Variants in SPEG observed in about 807,000 individuals in gnomAD.
SPEG encodes the protein striated muscle enriched protein kinase, also known as striated muscle preferentially expressed protein kinase.
SPEG carries 114 observed loss-of-function variants against 300.4 expected under a neutral mutation model. The observed-to-expected ratio is 0.38, with a 90% CI of 0.33 to 0.44. The LOEUF is 0.44. SPEG is among the 20% of genes least tolerant of loss of function. SPEG has a pLI of 1.00. For synonymous variants in SPEG, 1,964 were observed against 2,018.9 expected, an observed-to-expected ratio of 0.97 and a Z score of 0.73; for missense variants, 4,201 against 4,586.2, an observed-to-expected ratio of 0.92 and a Z score of 2.43.
intron 6 of SPEG, chr2:219,460,826 G>A (rs971070437): frequency 3.9e-5 from 38 of 986,132 alleles, no homozygotes; most frequent in Non-Finnish European, 4.5e-5. Context: ...TCCGTGCAGG[G>A]CCTCAGCTGG....
At position 219,480,046 on chromosome 2, in the gene SPEG, C is replaced by A. The variant is rs1352565801; in HGVS notation, c.5248C>A (p.Pro1750Thr). The change falls in exon 25 of 41, where the codon CCA becomes ACA. Residue 1750 changes from proline to threonine, a missense_variant. Coordinates refer to ENST00000312358, the MANE Select transcript of SPEG (RefSeq NM_005876.5). The surrounding 1 kb of genome is among the most constrained non-coding windows in gnomAD (Gnocchi z 5.3). ...CDFGNAQELT[P>T]GEPQYCQYGT... ...CTTTGGGAATGCCCAGGAGCTGACTCCAGGAGAGCCCCAGTACTGCCAGTA... is the reference window on the plus strand; with the variant it reads ...CTTTGGGAATGCCCAGGAGCTGACTACAGGAGAGCCCCAGTACTGCCAGTA... 6.2e-7 allele frequency: 1 copy of A among 1,614,088 alleles called. No individual in the cohort carries two copies. The highest frequency in any genetic ancestry group is 1.7e-5 in the Admixed American group (1 of 60,028).
chr2:219,489,165 C>T lies in SPEG; in HGVS notation c.8261C>T (p.Ala2754Val), dbSNP rs1693729624. 6.2e-7 allele frequency: 1 copy of T among 1,613,904 alleles called. No individual in the cohort carries two copies. The highest frequency in any genetic ancestry group is 1.3e-5 in the African/African-American group (1 of 74,884). ...VRFRVACANRAGQGPFSNSSE... is the reference protein window; with the variant it reads ...VRFRVACANRVGQGPFSNSSE... ...TTCCGTGTGGCCTGTGCCAACCGTG[C>T]TGGGCAGGGGCCCTTCAGCAACTCT... The change falls in exon 35 of 41, where the codon GCT becomes GTT. Residue 2754 changes from alanine (A) to valine (V), a missense_variant. Ala to Val is a moderately conservative substitution (Grantham distance 64). Coordinates refer to ENST00000312358, the MANE Select transcript of SPEG (RefSeq NM_005876.5).
rs1479078923 is a variant in SPEG, at chr2:219,464,092, C to T, written c.2706-341C>T. ...GAGCTGTGATTGTGCCACTGCACTC[C>T]AGCCTGGGTGACAGAGGGAAACCCT... On this transcript the variant is annotated intron_variant, in intron 8 of 40. Coordinates refer to ENST00000312358, the MANE Select transcript of SPEG (RefSeq NM_005876.5). This position sits in a 1 kb window ranked among gnomAD's most constrained non-coding sequence, Gnocchi z 4.5. 6.6e-6 allele frequency among the ~76,000 whole-genome samples: 1 copy of T among 150,638 alleles called. No individual in the cohort carries two copies. The highest frequency in any genetic ancestry group is 1.9e-4 in the East Asian group (1 of 5,144).
chr2:219,463,742 T>C (rs925523738), intron 8 of SPEG, among the ~76,000 whole-genome samples: 2 of 152,064 alleles, frequency 1.3e-5, no homozygotes, highest in African/African-American at 4.8e-5. Context: ...TGTAAGTTTT[T>C]TCATATCCCT....
At position 219,449,201 on chromosome 2, in the gene SPEG, G is replaced by C; in HGVS notation, c.2043G>C (p.Gly681=). ...RRGPEEDGPW[G]PWDRRGARSQ... ...GGCCGGAGGAGGACGGTCCCTGGGG[G>C]CCCTGGGACCGCCGAGGGGCCCGCA... The change falls in exon 4 of 41, where the codon GGG becomes GGC. Residue 681 remains glycine, a synonymous_variant. Coordinates refer to ENST00000312358, the MANE Select transcript of SPEG (RefSeq NM_005876.5). The C allele has an allele frequency of 7.2e-7, 1 of 1,393,966 alleles. No homozygotes were observed. Among genetic ancestry groups the C allele is most frequent in the Non-Finnish European group, 9.3e-7 (1 of 1,074,724 alleles). The allele number at this position is 1,393,966 out of a possible 1,614,324, so 86.3% of individuals were successfully genotyped here. A position where few individuals can be genotyped will look rare whatever the true frequency, so the allele number is the denominator to read the frequency against.
chr2:219,451,686 G>C lies in SPEG; in HGVS notation c.2319G>C (p.Glu773Asp). ...RSEGRLLLRA[E>D]GERHTLLLRE... ...AGGGCCGCCTCCTCCTCCGGGCTGA[G>C]GGTGAGCGGCACACCCTGCTGCTCA... Residue 773 changes from glutamate (E) to aspartate (D), a missense_variant, in exon 6 of 41, where the codon GAG becomes GAC. Glu to Asp is a conservative substitution (Grantham distance 45, BLOSUM62 2). This residue lies in a region of SPEG where 1,258 missense variants were observed against 1,293.9 expected (regional missense o/e 0.97). Coordinates refer to ENST00000312358, the MANE Select transcript of SPEG (RefSeq NM_005876.5). This position sits in a 1 kb window ranked among gnomAD's most constrained non-coding sequence, Gnocchi z 6.4. 6.3e-7 allele frequency: 1 copy of C among 1,581,910 alleles called. No individual in the cohort carries two copies. The highest frequency in any genetic ancestry group is 8.6e-7 in the Non-Finnish European group (1 of 1,165,560).
chr2:219,465,956 TGC>T, intron 9 of SPEG: 1 of 975,680 alleles, frequency 1.0e-6, no homozygotes, highest in Non-Finnish European at 1.6e-6. Flanking sequence ...CGTGCATGTG[TGC>T]GTGTGCATGC....
rs1421490391 is a variant in SPEG, at chr2:219,477,536, G to A, written c.4729+91G>A. On this transcript the variant is annotated intron_variant, in intron 20 of 40. Coordinates refer to ENST00000312358, the MANE Select transcript of SPEG (RefSeq NM_005876.5). The surrounding 1 kb of genome is among the most constrained non-coding windows in gnomAD (Gnocchi z 6.4). Reference sequence around the variant, plus strand: ...TCTGCCCAGGAAGCAGCCAGCCCTGGACTCGAGCCACCACACCCCCAGCCC... The same window carrying A: ...TCTGCCCAGGAAGCAGCCAGCCCTGAACTCGAGCCACCACACCCCCAGCCC... 6.9e-7 allele frequency: 1 copy of A among 1,441,276 alleles called. No homozygotes were observed. The highest frequency in any genetic ancestry group is 9.3e-7 in the Non-Finnish European group (1 of 1,076,104). The allele number at this position is 1,441,276 out of a possible 1,614,324, so 89.3% of individuals were successfully genotyped here. A position where few individuals can be genotyped will look rare whatever the true frequency, so the allele number is the denominator to read the frequency against.
chr2:219,468,821 C>T (rs1469057098), intron 11 of SPEG, 38 bp from the exon 12 acceptor site: 2 of 1,607,422 alleles, frequency 1.2e-6, no homozygotes, highest in African/African-American at 1.3e-5. Context: ...GGGCCCCTCA[C>T]TGTGCCTGCT....
Position 219,451,068 on chromosome 2 carries a change from ACT to A in SPEG, c.2114-60_2114-59del. 2.1e-6 allele frequency: 3 copies of A among 1,438,178 alleles called. No individual in the cohort carries two copies. The Admixed American group carries it at 7.8e-5, about 37-fold the overall frequency. The allele number at this position is 1,438,178 out of a possible 1,614,324, so 89.1% of individuals were successfully genotyped here. On this transcript the variant is annotated intron_variant, in intron 4 of 40. Coordinates refer to ENST00000312358, the MANE Select transcript of SPEG (RefSeq NM_005876.5). The surrounding 1 kb of genome is among the most constrained non-coding windows in gnomAD (Gnocchi z 6.4). ...GCTTTCTAGGATGCAGGCCACCAGG[ACT>A]CTCTCTCCCGCTGTCATCCCTGCAG...
At chr2:219,436,460 C>G (rs1008639224) in intron 1 of SPEG, among the ~76,000 whole-genome samples, 2 of 152,236 alleles carry the variant, frequency 1.3e-5, no homozygotes, top group Non-Finnish European at 2.9e-5. Flanking sequence ...TGGCAAGGAG[C>G]TGGGGGTTCA....
intron 9 of SPEG, chr2:219,466,879 T>TA (rs927598073): frequency 8.2e-7 from 1 of 1,221,228 alleles, no homozygotes; most frequent in Non-Finnish European, 1.0e-6. Context: ...GTGTTGTGTT[T>TA]TTTTTTCCCC....
At chr2:219,482,672 C>T in intron 28 of SPEG, 112 bp from the exon 29 acceptor site, 6 of 889,488 alleles carry the variant, frequency 6.7e-6, no homozygotes, top group Non-Finnish European at 1.1e-5. Flanking sequence ...CTCAGTGCTG[C>T]TCGATCCACT....
At chr2:219,457,822 A>G (rs950280288) in intron 6 of SPEG, among the ~76,000 whole-genome samples, 3 of 152,196 alleles carry the variant, frequency 2.0e-5, no homozygotes, top group African/African-American at 7.2e-5. Flanking sequence ...CTCTGCACAC[A>G]TGGCTTTTGC....
chr2:219,461,205 C>T (rs1245982972), intron 6 of SPEG: 2 of 986,996 alleles, frequency 2.0e-6, no homozygotes, highest in African/African-American at 3.5e-5. Context: ...CTCCTCTTCC[C>T]CCAGGCTGAG....
rs768223612 is a variant in SPEG at position 219,483,133 on chromosome 2, G to A, written c.5670G>A (p.Leu1890=). ...SQISYKCHLV[L]RPIPELLRAP... is the part of the protein sequence containing the mutation. Reference sequence around the variant, plus strand: ...TCAGCTACAAATGCCACCTGGTGCTGCGCCCCATCCCCGAGCTGCTGCGGG... The same window carrying A: ...TCAGCTACAAATGCCACCTGGTGCTACGCCCCATCCCCGAGCTGCTGCGGG... The change falls in exon 30 of 41, where the codon CTG becomes CTA. Residue 1890 remains leucine (L), a synonymous_variant. Coordinates refer to ENST00000312358, the MANE Select transcript of SPEG (RefSeq NM_005876.5). The A allele has an allele frequency of 8.7e-6, 14 of 1,608,698 alleles. 1 individual carries two copies. In the South Asian group the frequency reaches 1.5e-4, roughly 18 times the overall value.
chr2:219,449,012 C>T lies in SPEG; in HGVS notation c.1854C>T (p.Pro618=), dbSNP rs990815272. The T allele has an allele frequency of 1.7e-5, 25 of 1,506,176 alleles. No homozygotes were observed. Among genetic ancestry groups the T allele is most frequent in the Non-Finnish European group, 2.1e-5 (24 of 1,128,952 alleles). The allele number at this position is 1,506,176 out of a possible 1,614,324, so 93.3% of individuals were successfully genotyped here. A position where few individuals can be genotyped will look rare whatever the true frequency, so the allele number is the denominator to read the frequency against. The change falls in exon 4 of 41, where the codon CCC becomes CCT. Residue 618 remains proline (P), a synonymous_variant. Transcript: ENST00000312358. ...RSPVPPPAAD[P]PEARTKAPPG... is the part of the protein sequence containing the mutation. Reference sequence around the variant, plus strand: ...CTGTGCCGCCCCCCGCCGCCGATCCCCCAGAGGCCAGGACGAAAGCACCCC... The same window carrying T: ...CTGTGCCGCCCCCCGCCGCCGATCCTCCAGAGGCCAGGACGAAAGCACCCC...
At position 219,435,158 on chromosome 2, in the gene SPEG, C is replaced by G; in HGVS notation, c.181C>G (p.Arg61Gly). The G allele has an allele frequency of 4.8e-6, 7 of 1,468,970 alleles. No individual in the cohort carries two copies. Among genetic ancestry groups the G allele is most frequent in the Non-Finnish European group, 6.3e-6 (7 of 1,119,924 alleles). The allele number at this position is 1,468,970 out of a possible 1,614,324, so 91.0% of individuals were successfully genotyped here. The change falls in exon 1 of 41, where the codon CGG (arginine) becomes GGG (glycine). Residue 61 changes from arginine (R) to glycine (G), a missense_variant. By Grantham distance (125) the Arg-to-Gly change is moderately radical. This residue lies in a region of SPEG where 1,258 missense variants were observed against 1,293.9 expected (regional missense o/e 0.97). Transcript: ENST00000312358. The stretch of plus-strand genomic sequence containing the variant: ...GGCGGTGTGCGCGGGCAGCGACGTG[C>G]GGCTGCGGGTGGTGGTGAGCGGGAC... The part of the protein sequence containing the change: ...NAAVCAGSDV[R>G]LRVVVSGTPQ...
In SPEG at chr2:219,473,609, C is replaced by T; in HGVS notation, c.4253C>T (p.Ala1418Val). ...ACCGTCACATTCAACCATGTGGAGG[C>T]CCAGGTCGTCTGGAGGAGGTGGGCC... ...SVTVTFNHVE[A>V]QVVWRSCRGA... Residue 1418 changes from alanine to valine, a missense_variant, in exon 17 of 41, where the codon GCC (alanine) becomes GTC (valine). By Grantham distance (64) the Ala-to-Val change is moderately conservative (BLOSUM62 0). Transcript: ENST00000312358. The surrounding 1 kb of genome is among the most constrained non-coding windows in gnomAD (Gnocchi z 4.6). 1 of 1,614,208 alleles carries T rather than the reference C, an allele frequency of 6.2e-7. No individual in the cohort carries two copies. Among genetic ancestry groups the T allele is most frequent in the Non-Finnish European group, 8.5e-7 (1 of 1,180,036 alleles).
Sources: allele counts gnomAD v4.1 joint callset (sites outside exome capture counted in the v4.1 genomes callset), GRCh38; gene constraint gnomAD v4.1.1; regional missense constraint gnomAD v4.1.1; non-coding constraint Gnocchi (gnomAD v3.1); transcripts MANE v1.5; gene names NCBI Gene and HGNC (gene_info 2026-07-23, HGNC 2026-07-21).